MCM9: variants seen among roughly 807,000 people sequenced by gnomAD.
MCM9 encodes DNA helicase MCM9.
MCM9 carries 55 observed loss-of-function variants against 72.8 expected under a neutral mutation model. The observed-to-expected ratio is 0.76, with a 90% CI of 0.61 to 0.95. The LOEUF (loss-of-function observed/expected upper bound fraction) is 0.95. Ranked by LOEUF, MCM9 falls within the 40% of genes least tolerant of loss-of-function variation. The pLI, the probability that MCM9 is intolerant of heterozygous loss-of-function variation, is 0.00. For synonymous variants in MCM9, 480 were observed against 503.4 expected, an observed-to-expected ratio of 0.95 and a Z score of 0.62; for missense variants, 1,279 against 1,377.0, an observed-to-expected ratio of 0.93 and a Z score of 1.13.
chr6:118,834,828 C>A (rs1425150653), intron 9 of MCM9, among the ~76,000 whole-genome samples: 2 of 152,000 alleles, frequency 1.3e-5, no homozygotes, highest in Admixed American at 6.6e-5. Context: ...ATGATAGTTT[C>A]TTTTGCTGTG....
intron 9 of MCM9, among the ~76,000 whole-genome samples, chr6:118,851,457 A>G (rs1369008139): frequency 5.9e-5 from 9 of 151,936 alleles, no homozygotes; most frequent in Admixed American, 1.3e-4. Context: ...TAGGAACTAA[A>G]TATCTTTTAA....
chr6:118,883,450 T>C (rs992144654), intron 8 of MCM9, among the ~76,000 whole-genome samples: 1 of 73,570 alleles, frequency 1.4e-5, no homozygotes, highest in African/African-American at 3.3e-5. Context: ...CTCTCCAAAT[T>C]TGATGAAAAA....
chr6:118,849,752 T>A (rs1776107065), intron 9 of MCM9, among the ~76,000 whole-genome samples: 1 of 151,838 alleles, frequency 6.6e-6, no homozygotes, highest in Non-Finnish European at 1.5e-5. Context: ...ATACTACATA[T>A]AATCGTCTAT....
At position 118,917,827 on chromosome 6, in the gene MCM9, C is replaced by A. The variant is rs887177807; in HGVS notation, c.704-66G>T. ...CATGCTGAGCACAGACTCAAAATGA[C>A]AAAGGACCAGAAATTAGAAATAAAC... On this transcript the variant is annotated intron_variant, in intron 5 of 13. Transcript: ENST00000619706. The A allele has an allele frequency of 1.8e-5, 25 of 1,361,018 alleles. No individual in the cohort carries two copies. The African/African-American group carries it at 3.6e-4, about 20-fold the overall frequency. 84.3% of individuals were successfully genotyped at this position (1,361,018 alleles called of 1,614,324 possible). A position where few individuals can be genotyped will look rare whatever the true frequency, so the allele number is the denominator to read the frequency against.
At chr6:118,914,583 C>T (rs771403898) in intron 6 of MCM9, among the ~76,000 whole-genome samples, 5 of 152,024 alleles carry the variant, frequency 3.3e-5, no homozygotes, top group Non-Finnish European at 7.4e-5. Context: ...GGAATCCCTC[C>T]CTGTTTGGAG....
chr6:118,864,723 T>C (rs532718156), intron 8 of MCM9, among the ~76,000 whole-genome samples: 2 of 152,292 alleles, frequency 1.3e-5, no homozygotes, highest in African/African-American at 4.8e-5. Flanking sequence ...AGGTTTCCCA[T>C]GGTCTGGTTC....
At chr6:118,924,677 T>C (rs1169063657) in intron 3 of MCM9, among the ~76,000 whole-genome samples, 1 of 152,174 alleles carries the variant, frequency 6.6e-6, no homozygotes, top group East Asian at 1.9e-4. Context: ...ACCTAGCGGT[T>C]TACCCGCAGC....
In MCM9 at chr6:118,933,792, T is replaced by C. The variant is rs190308157; in HGVS notation, c.-149-1052A>G. On this transcript the variant is annotated intron_variant, in intron 1 of 13. Transcript: ENST00000619706. Reference sequence around the variant, plus strand: ...CAGTTAGGTCAAGAATCCTGACCACTATAGGAGGCCAGAGTGAGAGTAAGA... The same window carrying C: ...CAGTTAGGTCAAGAATCCTGACCACCATAGGAGGCCAGAGTGAGAGTAAGA... Among the ~76,000 whole-genome samples, 462 of 152,236 alleles carry C rather than the reference T, an allele frequency of 3.0e-3. 3 individuals carry two copies. The highest frequency in any genetic ancestry group is 6.8e-3 in the Middle Eastern group (2 of 294).
At chr6:118,873,049 G>T (rs934602854) in intron 8 of MCM9, among the ~76,000 whole-genome samples, 6 of 151,774 alleles carry the variant, frequency 4.0e-5, no homozygotes, top group African/African-American at 1.5e-4. Flanking sequence ...GCACACACCT[G>T]TAGTGTCAGC....
intron 8 of MCM9, among the ~76,000 whole-genome samples, chr6:118,892,290 A>G (rs1280300993): frequency 6.6e-6 from 1 of 152,244 alleles, no homozygotes; most frequent in Non-Finnish European, 1.5e-5. Context: ...ACTGTTGCAT[A>G]TGATGTGTTA....
At chr6:118,819,719 G>C (rs1773664637) in intron 13 of MCM9, among the ~76,000 whole-genome samples, 1 of 152,136 alleles carries the variant, frequency 6.6e-6, no homozygotes, top group African/African-American at 2.4e-5. Flanking sequence ...TTGTACCTCT[G>C]GTAGAATTTG....
chr6:118,902,809 G>A (rs1021895822), intron 8 of MCM9, among the ~76,000 whole-genome samples: 1 of 152,170 alleles, frequency 6.6e-6, no homozygotes, highest in African/African-American at 2.4e-5. Flanking sequence ...AACAGAAAGA[G>A]ACTAAATTAC....
chr6:118,930,834 C>T (rs1782363494), intron 3 of MCM9, among the ~76,000 whole-genome samples: 2 of 152,162 alleles, frequency 1.3e-5, no homozygotes, highest in Admixed American at 6.5e-5. Context: ...ACTAAAAAAT[C>T]ACTTTTAAAA....
intron 8 of MCM9, among the ~76,000 whole-genome samples, chr6:118,893,822 G>A (rs1239071523): frequency 6.9e-6 from 1 of 143,962 alleles, no homozygotes; most frequent in African/African-American, 2.6e-5. Context: ...TAAAAAGAGC[G>A]TTAAATCAAA....
intron 8 of MCM9, chr6:118,910,775 G>A (rs1243486899): frequency 1.0e-6 from 1 of 985,136 alleles, no homozygotes; most frequent in African/African-American, 1.7e-5. Context: ...TTAATATACT[G>A]TTGAGTTATA....
intron 8 of MCM9, chr6:118,893,944 C>CGCCGCG: frequency 1.1e-6 from 1 of 916,554 alleles, no homozygotes; most frequent in Non-Finnish European, 1.3e-6. Context: ...CACGCCTCCC[C>CGCCGCG]GCCGCGGCCA....
At chr6:118,902,233 TAGCC>T (rs1779843721) in intron 8 of MCM9, among the ~76,000 whole-genome samples, 1 of 152,214 alleles carries the variant, frequency 6.6e-6, no homozygotes. Flanking sequence ...ACCTCTGTAT[TAGCC>T]ATGTGTGGCT....
At chr6:118,900,245 A>AG (rs756208990) in intron 8 of MCM9, among the ~76,000 whole-genome samples, 7 of 152,186 alleles carry the variant, frequency 4.6e-5, no homozygotes, top group Non-Finnish European at 8.8e-5. Flanking sequence ...CTGAGCCATG[A>AG]GGGAGGTTTT....
chr6:118,850,426 A>G (rs527580240), intron 9 of MCM9, among the ~76,000 whole-genome samples: 2 of 151,998 alleles, frequency 1.3e-5, no homozygotes, highest in Non-Finnish European at 2.9e-5. Context: ...CTAAGTTGAC[A>G]TACATGAACT....
Sources: allele counts gnomAD v4.1 joint callset (sites outside exome capture counted in the v4.1 genomes callset), GRCh38; gene constraint gnomAD v4.1.1; transcripts MANE v1.5; gene names NCBI Gene and HGNC (gene_info 2026-07-23, HGNC 2026-07-21).